EBF4: variants seen among roughly 807,000 people sequenced by gnomAD.
EBF4 encodes the protein transcription factor COE4.
A neutral mutation model predicts 67.1 loss-of-function variants in EBF4; 34 were observed. The ratio of observed to expected loss-of-function variants is 0.51; its 90% confidence interval spans 0.39 to 0.67. The LOEUF is 0.67. EBF4 is among the 30% of genes least tolerant of loss of function. The probability of loss-of-function intolerance (pLI) is 0.00; values close to 1 mark genes in which losing one functional copy is unlikely to be tolerated. For synonymous variants in EBF4, 387 were observed against 377.7 expected, an observed-to-expected ratio of 1.02 and a Z score of -0.29; for missense variants, 837 against 873.3, an observed-to-expected ratio of 0.96 and a Z score of 0.52.
intron 6 of EBF4, among the ~76,000 whole-genome samples, chr20:2,716,606 C>G (rs1742594686): frequency 6.6e-6 from 1 of 152,018 alleles, no homozygotes; most frequent in Non-Finnish European, 1.5e-5. Flanking sequence ...AAAGGTTTCA[C>G]AGTTTTCCCT....
At chr20:2,749,541 C>T (rs537155819) in intron 8 of EBF4, 23 bp downstream of exon 8, 2 of 1,539,886 alleles carry the variant, frequency 1.3e-6, no homozygotes, top group East Asian at 2.5e-5. Context: ...GGCCCAGCCC[C>T]GGCCGCCGCG....
chr20:2,701,434 G>T (rs554294599), intron 1 of EBF4, among the ~76,000 whole-genome samples: 1 of 152,360 alleles, frequency 6.6e-6, no homozygotes, highest in East Asian at 1.9e-4. Flanking sequence ...TGAGCCCTGG[G>T]AAGGAAGCTT....
In EBF4 at chr20:2,755,900, C is replaced by A; in HGVS notation, c.1738+76C>A. 7.5e-7 allele frequency: 1 copy of A among 1,342,164 alleles called. No homozygotes were observed. Among genetic ancestry groups the A allele is most frequent in the Non-Finnish European group, 1.0e-6 (1 of 991,696 alleles). The allele number at this position is 1,342,164 out of a possible 1,614,324, so 83.1% of individuals were successfully genotyped here. ...AGCAGCTGGGCTACAGGGGCCTGCT[C>A]TGTCCACATCTCACCAGTGCCTCAT... On this transcript the variant is annotated intron_variant, in intron 15 of 16. Transcript: ENST00000609451. This position sits in a 1 kb window ranked among gnomAD's most constrained non-coding sequence, Gnocchi z 4.7.
intron 1 of EBF4, among the ~76,000 whole-genome samples, chr20:2,702,486 A>G (rs1434977030): frequency 6.6e-6 from 1 of 152,036 alleles, no homozygotes; most frequent in African/African-American, 2.4e-5. Context: ...GGACAAGAAG[A>G]CTTATGGCTT....
chr20:2,751,991 T>G lies in EBF4; in HGVS notation c.1173+4T>G, dbSNP rs2088155620. ...CGGAGTGCCCGGCAGTAACCAGGTA[T>G]GGCGCCTCCGCCCTCCCAGCGCCGC... is the stretch of plus-strand genomic sequence containing the variant. On this transcript the variant is annotated splice_donor_region_variant and intron_variant, in intron 12 of 16. Transcript: ENST00000609451. The surrounding 1 kb of genome is among the most constrained non-coding windows in gnomAD (Gnocchi z 5.2). 2 of 1,543,654 alleles carry G rather than the reference T, an allele frequency of 1.3e-6. No individual in the cohort carries two copies. Among genetic ancestry groups the G allele is most frequent in the East Asian group, 4.9e-5 (2 of 40,406 alleles).
chr20:2,703,256 TAAAAAAAAAA>T (rs58171984), intron 1 of EBF4, among the ~76,000 whole-genome samples: 4 of 114,138 alleles, frequency 3.5e-5, no homozygotes, highest in Non-Finnish European at 5.4e-5. Flanking sequence ...GACCCTGTCT[TAAAAAAAAAA>T]AAAAAAAAAA....
rs1354144192 is a variant in EBF4 at position 2,747,475 on chromosome 20, C to A, written c.558-1074C>A. Reference sequence around the variant, plus strand: ...CATGTGTTTGTCTAAAAAGCAACCTCATCAGCGCATATGTGTTTTTTTCCC... The same window carrying A: ...CATGTGTTTGTCTAAAAAGCAACCTAATCAGCGCATATGTGTTTTTTTCCC... On this transcript the variant is annotated intron_variant, in intron 6 of 16. Coordinates refer to ENST00000609451, the Ensembl canonical transcript of EBF4. The surrounding 1 kb of genome is among the most constrained non-coding windows in gnomAD (Gnocchi z 4.6). 6.6e-6 allele frequency among the ~76,000 whole-genome samples: 1 copy of A among 152,158 alleles called. No individual in the cohort carries two copies. Among genetic ancestry groups the A allele is most frequent in the Non-Finnish European group, 1.5e-5 (1 of 68,030 alleles).
chr20:2,737,637 C>T (rs1235261887), intron 6 of EBF4, among the ~76,000 whole-genome samples: 1 of 151,918 alleles, frequency 6.6e-6, no homozygotes, highest in East Asian at 1.9e-4. Flanking sequence ...CCACCCTTAC[C>T]GATCATCTTA....
Position 2,745,928 on chromosome 20 carries a change from C to T in EBF4, c.558-2621C>T, listed in dbSNP as rs1290193361. Among the ~76,000 whole-genome samples, 2 of 152,184 alleles carry T rather than the reference C, an allele frequency of 1.3e-5. No homozygotes were observed. Among genetic ancestry groups the T allele is most frequent in the Non-Finnish European group, 2.9e-5 (2 of 68,034 alleles). On this transcript the variant is annotated intron_variant, in intron 6 of 16. Transcript: ENST00000609451. This position sits in a 1 kb window ranked among gnomAD's most constrained non-coding sequence, Gnocchi z 5.2. ...TTTTGGTGCAGTCCTATGCTTGTCG[C>T]ATCTTCAGTGGTATCCAAAGGTGAG...
At chr20:2,736,408 C>T (rs1013359709) in intron 6 of EBF4, among the ~76,000 whole-genome samples, 3 of 152,180 alleles carry the variant, frequency 2.0e-5, no homozygotes, top group African/African-American at 7.2e-5. Flanking sequence ...ATTATAAGTG[C>T]AATTAGATGA....
At chr20:2,729,394 G>A (rs1374305108) in intron 6 of EBF4, among the ~76,000 whole-genome samples, 1 of 152,172 alleles carries the variant, frequency 6.6e-6, no homozygotes, top group Non-Finnish European at 1.5e-5. Flanking sequence ...TACTCAGGAT[G>A]AGCTTGCCTT....
chr20:2,731,591 A>G (rs1294149353), intron 6 of EBF4, among the ~76,000 whole-genome samples: 1 of 152,214 alleles, frequency 6.6e-6, no homozygotes, highest in East Asian at 1.9e-4. Context: ...GGGTTCTATC[A>G]TGAAAAGAAA....
chr20:2,734,988 G>A (rs994221312), intron 6 of EBF4, among the ~76,000 whole-genome samples: 3 of 152,176 alleles, frequency 2.0e-5, no homozygotes, highest in Non-Finnish European at 2.9e-5. Flanking sequence ...ATATGTCAGA[G>A]CTTTTCAGAG....
intron 6 of EBF4, among the ~76,000 whole-genome samples, chr20:2,730,137 C>T (rs1257208907): frequency 6.6e-6 from 1 of 152,214 alleles, no homozygotes; most frequent in African/African-American, 2.4e-5. Flanking sequence ...TATTAGTTTC[C>T]TAAGGCTGTC....
At chr20:2,715,570 A>T (rs1483134674) in intron 6 of EBF4, among the ~76,000 whole-genome samples, 1 of 152,158 alleles carries the variant, frequency 6.6e-6, no homozygotes, top group African/African-American at 2.4e-5. Context: ...TTGACTAAGT[A>T]ACACTCCCAC....
intron 5 of EBF4, 36 bp downstream of exon 5, chr20:2,708,056 G>C (rs1329002714): frequency 6.3e-7 from 1 of 1,578,488 alleles, no homozygotes; most frequent in Non-Finnish European, 8.6e-7. Flanking sequence ...TCACCCCTCT[G>C]CCAAGGCGTT....
At chr20:2,744,340 G>T (rs1331028799) in intron 6 of EBF4, among the ~76,000 whole-genome samples, 3 of 151,898 alleles carry the variant, frequency 2.0e-5, no homozygotes, top group Non-Finnish European at 4.4e-5. Context: ...TAACTTTATA[G>T]TCTGTGCTCC....
intron 6 of EBF4, among the ~76,000 whole-genome samples, chr20:2,741,274 T>C (rs2146474729): frequency 6.6e-6 from 1 of 151,974 alleles, no homozygotes; most frequent in East Asian, 1.9e-4. Context: ...ATCACACCAC[T>C]GCACTCCAGT....
exon 13 of EBF4, chr20:2,752,179 C>G: frequency 7.0e-7 from 1 of 1,433,912 alleles, no homozygotes; most frequent in Non-Finnish European, 9.1e-7. Context: ...CCCGAGCCAC[C>G]CACACCCCGC....
Sources: gnomAD v4.1 joint callset for allele counts (sites outside exome capture counted in the v4.1 genomes callset) on GRCh38, gnomAD v4.1.1 for gene constraint, Gnocchi (gnomAD v3.1) non-coding constraint, MANE v1.5 for transcripts, NCBI Gene and HGNC (gene_info 2026-07-23, HGNC 2026-07-21) for gene names.